The following STK39 variants were observed in gnomAD, a reference collection of about 807,000 sequenced individuals.
STK39 encodes serine/threonine kinase 39.
A neutral mutation model predicts 77.8 loss-of-function variants in STK39; 20 were observed. That is an observed-to-expected ratio of 0.26 (90% CI 0.18 to 0.37). The LOEUF (loss-of-function observed/expected upper bound fraction) is 0.37. Ranked by LOEUF, STK39 falls within the 10% of genes least tolerant of loss-of-function variation. The pLI is 1.00. For synonymous variants in STK39, 246 were observed against 234.1 expected (o/e 1.05, Z -0.47); for missense variants, 479 against 656.5 (o/e 0.73, Z 2.95).
At chr2:168,069,802 C>T (rs78836318) in intron 12 of STK39, among the ~76,000 whole-genome samples, 3,031 of 152,240 alleles carry the variant, frequency 0.02, 104 homozygotes, top group African/African-American at 0.069. Flanking sequence ...CTAGACACTG[C>T]ATTTTTAAAG....
At chr2:168,120,676 A>G in intron 10 of STK39, among the ~76,000 whole-genome samples, 1 of 152,202 alleles carries the variant, frequency 6.6e-6, no homozygotes, top group Non-Finnish European at 1.5e-5. Flanking sequence ...GATTATTAAA[A>G]AATTTTGCTA....
chr2:168,027,525 T>C (rs1684729412), intron 14 of STK39, among the ~76,000 whole-genome samples: 1 of 152,200 alleles, frequency 6.6e-6, no homozygotes, highest in African/African-American at 2.4e-5. Context: ...AAAGTCACAC[T>C]GTTCCCTTTA....
chr2:168,021,688 T>A (rs1684575564), intron 14 of STK39, among the ~76,000 whole-genome samples: 1 of 152,156 alleles, frequency 6.6e-6, no homozygotes, highest in Admixed American at 6.6e-5. Flanking sequence ...AAAAATCCTT[T>A]TAATCTTAAA....
chr2:168,147,966 T>A (rs1369223785), intron 5 of STK39, among the ~76,000 whole-genome samples: 1 of 152,180 alleles, frequency 6.6e-6, no homozygotes, highest in Non-Finnish European at 1.5e-5. Context: ...CAGATTAATC[T>A]TCCTAAAGTG....
intron 10 of STK39, among the ~76,000 whole-genome samples, chr2:168,088,982 G>T (rs1360855183): frequency 6.6e-6 from 1 of 152,184 alleles, no homozygotes; most frequent in Non-Finnish European, 1.5e-5. Flanking sequence ...TTCTTTCTCA[G>T]TTGAGAAACT....
intron 10 of STK39, among the ~76,000 whole-genome samples, chr2:168,095,274 T>C (rs1686632874): frequency 6.6e-6 from 1 of 152,188 alleles, no homozygotes; most frequent in African/African-American, 2.4e-5. Context: ...CTGGACTCGA[T>C]CCAGCTTTAC....
At chr2:168,236,172 T>C (rs534459816) in intron 1 of STK39, among the ~76,000 whole-genome samples, 1 of 152,156 alleles carries the variant, frequency 6.6e-6, no homozygotes, top group Admixed American at 6.5e-5. Context: ...TGGTATCTCA[T>C]TGTGGTTTTC....
chr2:168,165,245 G>A (rs1688668486), intron 3 of STK39, among the ~76,000 whole-genome samples: 2 of 152,104 alleles, frequency 1.3e-5, no homozygotes, highest in South Asian at 4.2e-4. Flanking sequence ...CTTACCTGTG[G>A]AAACCTGTTT....
chr2:168,183,077 C>T (rs989505559), intron 1 of STK39, among the ~76,000 whole-genome samples: 1 of 152,128 alleles, frequency 6.6e-6, no homozygotes, highest in African/African-American at 2.4e-5. Context: ...CAGTATTAGC[C>T]TTCCTAATTT....
At chr2:167,959,098 T>C (rs1005928338) in intron 17 of STK39, among the ~76,000 whole-genome samples, 43 of 119,512 alleles carry the variant, frequency 3.6e-4, no homozygotes, top group African/African-American at 1.3e-3. Context: ...ACAAATATTG[T>C]CAGATTTATT....
chr2:168,094,097 G>C (rs1446737657), intron 10 of STK39, among the ~76,000 whole-genome samples: 1 of 152,116 alleles, frequency 6.6e-6, no homozygotes, highest in Admixed American at 6.5e-5. Flanking sequence ...GCCCTCCCCA[G>C]CATGCTGTGC....
At chr2:167,973,791 T>C (rs1342414827) in intron 16 of STK39, among the ~76,000 whole-genome samples, 1 of 152,198 alleles carries the variant, frequency 6.6e-6, no homozygotes, top group African/African-American at 2.4e-5. Flanking sequence ...TGAACAGTTA[T>C]GGAAGGTCTG....
At chr2:168,004,959 T>C (rs1213796657) in intron 16 of STK39, among the ~76,000 whole-genome samples, 1 of 148,676 alleles carries the variant, frequency 6.7e-6, no homozygotes, top group Non-Finnish European at 1.5e-5. Context: ...ACACTCAGAA[T>C]ACTTAACCTT....
intron 14 of STK39, among the ~76,000 whole-genome samples, chr2:168,041,625 C>T (rs1028381979): frequency 6.6e-6 from 1 of 152,142 alleles, no homozygotes; most frequent in African/African-American, 2.4e-5. Context: ...CCTAAGAATT[C>T]CCTTCAGTCA....
intron 1 of STK39, among the ~76,000 whole-genome samples, chr2:168,199,405 A>C (rs1296265923): frequency 5.9e-5 from 9 of 152,258 alleles, no homozygotes. Context: ...CATCCTGGAA[A>C]ACTGGGAAAA....
At chr2:168,164,388 A>T (rs1688647557) in intron 3 of STK39, among the ~76,000 whole-genome samples, 1 of 151,886 alleles carries the variant, frequency 6.6e-6, no homozygotes, top group African/African-American at 2.4e-5. Flanking sequence ...ACACTACCTG[A>T]TCTTTATTTT....
At chr2:167,969,041 G>A (rs1025831327) in intron 16 of STK39, among the ~76,000 whole-genome samples, 3 of 152,152 alleles carry the variant, frequency 2.0e-5, no homozygotes, top group Admixed American at 1.3e-4. Context: ...CTTCCTGAAC[G>A]AAGTTCACTT....
chr2:168,200,840 T>G (rs1042192091), intron 1 of STK39, among the ~76,000 whole-genome samples: 13 of 152,214 alleles, frequency 8.5e-5, no homozygotes, highest in African/African-American at 2.9e-4. Context: ...TTAGTTTTAT[T>G]TTTATGAAAT....
At chr2:168,056,747 T>C (rs375584020) in intron 14 of STK39, among the ~76,000 whole-genome samples, 5 of 152,248 alleles carry the variant, frequency 3.3e-5, no homozygotes, top group East Asian at 1.9e-4. Flanking sequence ...TATCAGAGTC[T>C]TGAATGGAGA....
Sources: gnomAD v4.1 joint callset for allele counts (sites outside exome capture counted in the v4.1 genomes callset) on GRCh38, gnomAD v4.1.1 for gene constraint, MANE v1.5 for transcripts, NCBI Gene and HGNC (gene_info 2026-07-23, HGNC 2026-07-21) for gene names.